PSTPIP1: variants seen among roughly 807,000 people sequenced by gnomAD.
PSTPIP1 encodes the protein proline-serine-threonine phosphatase interacting protein 1.
Under a neutral mutation model 69.6 loss-of-function variants are expected in PSTPIP1, and 66 were observed. The observed-to-expected ratio is 0.95, with a 90% CI of 0.78 to 1.16. The LOEUF is 1.16. Ranked by LOEUF, PSTPIP1 falls within the 50% of genes most tolerant of loss-of-function variation. The pLI, the probability that PSTPIP1 is intolerant of heterozygous loss-of-function variation, is 0.00. For synonymous variants in PSTPIP1, 266 were observed against 222.7 expected (o/e 1.19, Z -1.73); for missense variants, 603 against 557.4 (o/e 1.08, Z -0.82).
In PSTPIP1 at chr15:77,025,546, G is replaced by T. The variant is rs371065077; in HGVS notation, c.296G>T (p.Arg99Leu). 3.9e-5 allele frequency: 60 copies of T among 1,555,040 alleles called. No homozygotes were observed. Among genetic ancestry groups the T allele is most frequent in the Non-Finnish European group, 5.2e-5 (60 of 1,149,132 alleles). The change falls in exon 5 of 15, where the codon CGT becomes CTT. Residue 99 changes from arginine to leucine, a missense_variant. Arg to Leu is a moderately radical substitution (Grantham distance 102, BLOSUM62 -2). Transcript: ENST00000558012. ...CACATCCAGCTGGCCCTGACCCTGC[G>T]TGAGGAGCTGCGGAGTCTCGAGGAG... The part of the protein sequence containing the change: ...SSHIQLALTL[R>L]EELRSLEEFR...
At chr15:77,005,815 A>T (rs2075804559) in intron 1 of PSTPIP1, among the ~76,000 whole-genome samples, 1 of 152,252 alleles carries the variant, frequency 6.6e-6, no homozygotes, top group South Asian at 2.1e-4. Context: ...AGCATATGTC[A>T]GAATTTTCTT....
chr15:77,003,673 A>T (rs2075760318), intron 1 of PSTPIP1, among the ~76,000 whole-genome samples: 1 of 151,406 alleles, frequency 6.6e-6, no homozygotes. Context: ...AAAAAAGAAG[A>T]AGAAGGAAGC....
rs1596129223 is a variant in PSTPIP1, at chr15:77,032,869, G to A, written c.846G>A (p.Val282=). 6.3e-7 allele frequency: 1 copy of A among 1,587,782 alleles called. No homozygotes were observed. Among genetic ancestry groups the A allele is most frequent in the Non-Finnish European group, 8.6e-7 (1 of 1,167,382 alleles). The change falls in exon 12 of 15, where the codon GTG becomes GTA. Residue 282 remains valine (V), a synonymous_variant. Transcript: ENST00000558012. ...KSTGTEPPAP[V]PYQNYYDREV... ...ACGGCTTGCTGTCTGCAGCTCCGGT[G>A]CCCTACCAGAACTATTACGATCGGG...
intron 1 of PSTPIP1, among the ~76,000 whole-genome samples, chr15:77,014,664 C>T (rs545464910): frequency 5.3e-5 from 8 of 152,260 alleles, no homozygotes; most frequent in African/African-American, 1.7e-4. Context: ...GGGGAAGTGG[C>T]GGTAGTTACA....
At position 77,029,463 on chromosome 15, in the gene PSTPIP1, G is replaced by C; in HGVS notation, c.517-66G>C. On this transcript the variant is annotated intron_variant, in intron 7 of 14. Transcript: ENST00000558012. ...CGGGGAAGCTTGACAGTCACTTCAGGTCTGCTGGGGTGGGCCCTGGCTCCT... is the reference window on the plus strand; with the variant it reads ...CGGGGAAGCTTGACAGTCACTTCAGCTCTGCTGGGGTGGGCCCTGGCTCCT... The C allele has an allele frequency of 3.3e-6, 5 of 1,537,250 alleles. No individual in the cohort carries two copies. In the South Asian group the frequency reaches 3.6e-5, roughly 11 times the overall value.
At chr15:77,030,633 C>A in intron 9 of PSTPIP1, 52 bp downstream of exon 9, 2 of 1,519,226 alleles carry the variant, frequency 1.3e-6, no homozygotes, top group Non-Finnish European at 1.8e-6. Context: ...GTGTGAGACG[C>A]CCATCCCTAC....
chr15:77,035,719 C>T (rs2076547249), intron 13 of PSTPIP1, 83 bp from the exon 14 acceptor site: 4 of 1,510,122 alleles, frequency 2.6e-6, no homozygotes, highest in Non-Finnish European at 3.6e-6. Context: ...CAGGGCCCAG[C>T]ATGGAGAAAC....
At chr15:77,033,628 C>T (rs564988714) in intron 12 of PSTPIP1, among the ~76,000 whole-genome samples, 91 of 152,248 alleles carry the variant, frequency 6.0e-4, no homozygotes, top group African/African-American at 1.9e-3. Flanking sequence ...GTGCCCCCAC[C>T]GCCATGCCAC....
chr15:77,001,017 G>T (rs1297793935), intron 1 of PSTPIP1, among the ~76,000 whole-genome samples: 6 of 152,098 alleles, frequency 3.9e-5, no homozygotes, highest in African/African-American at 1.4e-4. Flanking sequence ...ACACCTGTGG[G>T]TGTGGACATG....
chr15:77,035,604 T>TGGG lies in PSTPIP1; in HGVS notation c.985+46_985+48dup, dbSNP rs143536570. 603 of 1,546,846 alleles carry TGGG rather than the reference T, an allele frequency of 3.9e-4. 3 individuals are homozygous for TGGG. The African/African-American group carries it at 7.5e-3, about 19-fold the overall frequency. On this transcript the variant is annotated intron_variant, in intron 13 of 14. Coordinates refer to ENST00000558012, the MANE Select transcript of PSTPIP1 (RefSeq NM_003978.5). Reference sequence around the variant, plus strand: ...AGGGGACCCCCAAACACACTGATCCTGGGGGGGAGGAGAGGTCTCCCACAT... The same window carrying TGGG: ...AGGGGACCCCCAAACACACTGATCCTGGGGGGGGGGAGGAGAGGTCTCCCACAT...
rs374629699 is a variant in PSTPIP1 at position 77,006,136 on chromosome 15, GT to G, written c.36+10537del. 3.2e-3 allele frequency among the ~76,000 whole-genome samples: 482 copies of G among 149,032 alleles called. 1 individual carries two copies. The highest frequency in any genetic ancestry group is 3.9e-3 in the Non-Finnish European group (261 of 66,960). ...TCTTTGCCAACTCTTGTTAATTTCT[GT>G]TTTTTTTTTAAATCATAGCCACCTT... On this transcript the variant is annotated intron_variant, in intron 1 of 14. Coordinates refer to ENST00000558012, the MANE Select transcript of PSTPIP1 (RefSeq NM_003978.5).
intron 1 of PSTPIP1, among the ~76,000 whole-genome samples, chr15:77,009,675 A>C (rs2075893455): frequency 6.6e-6 from 1 of 152,068 alleles, no homozygotes; most frequent in Admixed American, 6.5e-5. Flanking sequence ...GGTGTTGTCC[A>C]TTCAGTCCTC....
At chr15:77,029,654 A>G in intron 8 of PSTPIP1, 80 bp downstream of exon 8, 1 of 1,412,440 alleles carries the variant, frequency 7.1e-7, no homozygotes, top group East Asian at 2.5e-5. Context: ...CACCCTGGGG[A>G]CACACACACT....
At chr15:77,015,061 C>T (rs1197026554) in intron 1 of PSTPIP1, among the ~76,000 whole-genome samples, 1 of 152,216 alleles carries the variant, frequency 6.6e-6, no homozygotes, top group Admixed American at 6.5e-5. Context: ...TCATGGGTTA[C>T]CCAGAGCCGC....
intron 1 of PSTPIP1, chr15:76,999,552 TA>T (rs1218563411): frequency 6.6e-6 from 1 of 152,322 alleles, no homozygotes; most frequent in African/African-American, 2.4e-5. Context: ...GTGCTGGGAT[TA>T]CAGGCGTGAG....
rs1484169330 is a variant in PSTPIP1, at chr15:77,027,860, C to T, written c.363C>T (p.Ala121=). 1.3e-5 allele frequency: 20 copies of T among 1,566,892 alleles called. No individual in the cohort carries two copies. The highest frequency in any genetic ancestry group is 1.5e-5 in the Non-Finnish European group (17 of 1,156,772). Residue 121 remains alanine (A), a synonymous_variant, in exon 6 of 15, where the codon GCC becomes GCT. Transcript: ENST00000558012. This position sits in a 1 kb window ranked among gnomAD's most constrained non-coding sequence, Gnocchi z 4.3. ...RQKEQRKKYE[A]VMDRVQKSKL... ...CCTCGTGTCCCCTGCAGTATGAGGC[C>T]GTCATGGACCGGGTCCAGAAGAGCA... is the stretch of plus-strand genomic sequence containing the variant.
chr15:77,015,004 A>G (rs1052986521), intron 1 of PSTPIP1, among the ~76,000 whole-genome samples: 3 of 152,142 alleles, frequency 2.0e-5, no homozygotes, highest in African/African-American at 7.2e-5. Flanking sequence ...CTAATCCAGG[A>G]CGGGTTATCC....
At chr15:77,005,497 T>C (rs1383733581) in intron 1 of PSTPIP1, among the ~76,000 whole-genome samples, 1 of 152,250 alleles carries the variant, frequency 6.6e-6, no homozygotes, top group Non-Finnish European at 1.5e-5. Context: ...TTAGAAGTTT[T>C]GGGGGTGGTG....
intron 3 of PSTPIP1, among the ~76,000 whole-genome samples, chr15:77,022,658 C>A (rs915208362): frequency 3.3e-5 from 5 of 152,218 alleles, no homozygotes; most frequent in African/African-American, 1.2e-4. Context: ...GGTTCTGGGG[C>A]AAAGCTGGGC....
Sources: allele counts gnomAD v4.1 joint callset (sites outside exome capture counted in the v4.1 genomes callset), GRCh38; gene constraint gnomAD v4.1.1; non-coding constraint Gnocchi (gnomAD v3.1); transcripts MANE v1.5; gene names NCBI Gene and HGNC (gene_info 2026-07-23, HGNC 2026-07-21).